NRDC: variants seen among roughly 807,000 people sequenced by gnomAD.
NRDC encodes nardilysin.
NRDC carries 54 observed loss-of-function variants against 147.1 expected under a neutral mutation model. The ratio of observed to expected loss-of-function variants is 0.37; its 90% confidence interval spans 0.29 to 0.46. The LOEUF (loss-of-function observed/expected upper bound fraction) is 0.46, where lower values mean the gene tolerates loss of function less well. Ranked by LOEUF, NRDC falls within the 20% of genes least tolerant of loss-of-function variation. NRDC has a pLI of 1.00. For synonymous variants in NRDC, 440 were observed against 482.1 expected, an observed-to-expected ratio of 0.91 and a Z score of 1.14; for missense variants, 1,082 against 1,370.6, an observed-to-expected ratio of 0.79 and a Z score of 3.33.
At position 51,825,932 on chromosome 1, in the gene NRDC, T is replaced by C. The variant is rs76114357; in HGVS notation, c.941-550A>G. ...GAGGTAGGGGCCAATGAGAAATGAT[T>C]AGGTAATGAGGGCAGAGCCCTCATG... is the stretch of plus-strand genomic sequence containing the variant. On this transcript the variant is annotated intron_variant, in intron 5 of 30. Coordinates refer to ENST00000352171, the MANE Select transcript of NRDC (RefSeq NM_001101662.2). 2.2e-3 allele frequency among the ~76,000 whole-genome samples: 336 copies of C among 152,322 alleles called. 11 individuals are homozygous for C. The East Asian group carries it at 0.06, about 27-fold the overall frequency.
intron 1 of NRDC, among the ~76,000 whole-genome samples, chr1:51,876,916 G>A (rs940347111): frequency 2.6e-5 from 4 of 152,218 alleles, no homozygotes; most frequent in Non-Finnish European, 5.9e-5. Context: ...CGGGCTGGGC[G>A]GGGTGGCTCA....
chr1:51,801,912 C>T (rs35421326), intron 20 of NRDC, among the ~76,000 whole-genome samples: 1 of 152,058 alleles, frequency 6.6e-6, no homozygotes, highest in Non-Finnish European at 1.5e-5. Context: ...CTCAGCCTCC[C>T]GAGTAGCTGA....
At chr1:51,841,884 G>A (rs1452396153) in intron 1 of NRDC, among the ~76,000 whole-genome samples, 6 of 152,152 alleles carry the variant, frequency 3.9e-5, no homozygotes, top group Non-Finnish European at 8.8e-5. Context: ...AGACAAGGAA[G>A]AGAACCTTTG....
chr1:51,878,286 G>A lies in NRDC; in HGVS notation c.330C>T (p.Pro110=), dbSNP rs140074749. Reference sequence around the variant, plus strand: ...GCCTCCTCCCTCACCGGTATTGCTTGGGGTCGCTGGGAGACTTGACGATCT... The same window carrying A: ...GCCTCCTCCCTCACCGGTATTGCTTAGGGTCGCTGGGAGACTTGACGATCT... ...DPEIVKSPSD[P]KQYRYIKLQN... The change falls in exon 1 of 31, where the codon CCC becomes CCT. Residue 110 remains proline (P), a synonymous_variant. Transcript: ENST00000352171. The A allele has an allele frequency of 4.3e-6, 7 of 1,612,598 alleles. No individual in the cohort carries two copies. In the Middle Eastern group the frequency reaches 4.9e-4, roughly 114 times the overall value.
intron 20 of NRDC, among the ~76,000 whole-genome samples, chr1:51,802,835 T>C (rs1442618556): frequency 6.6e-6 from 1 of 152,158 alleles, no homozygotes; most frequent in Non-Finnish European, 1.5e-5. Flanking sequence ...TATAACCCTA[T>C]TTCCCTAAAT....
chr1:51,830,698 T>G (rs1680669523), intron 4 of NRDC, among the ~76,000 whole-genome samples: 1 of 152,234 alleles, frequency 6.6e-6, no homozygotes, highest in South Asian at 2.1e-4. Flanking sequence ...CATCCTAAGC[T>G]TTGATATTTG....
intron 1 of NRDC, among the ~76,000 whole-genome samples, chr1:51,847,140 G>C (rs1233965936): frequency 6.6e-6 from 1 of 152,350 alleles, no homozygotes; most frequent in East Asian, 1.9e-4. Flanking sequence ...CCTTGAGCTA[G>C]ACACAGAGTG....
chr1:51,859,560 T>A (rs547181638), intron 1 of NRDC, among the ~76,000 whole-genome samples: 2 of 152,184 alleles, frequency 1.3e-5, no homozygotes, highest in African/African-American at 4.8e-5. Flanking sequence ...CCAGGCAATG[T>A]CTTCCCATTT....
chr1:51,821,564 G>C lies in NRDC; in HGVS notation c.1160-9C>G, dbSNP rs1406846011. 6.3e-7 allele frequency: 1 copy of C among 1,591,512 alleles called. No homozygotes were observed. On this transcript the variant is annotated splice_polypyrimidine_tract_variant and intron_variant, in intron 7 of 30. Transcript: ENST00000352171. ...CAAAGTATCCAGTGTTTCTTGAGAG[G>C]GGAGGGCAGGGAAGAGACAGGAAAA...
intron 1 of NRDC, chr1:51,860,267 G>A (rs1162174165): frequency 6.5e-6 from 1 of 153,546 alleles, no homozygotes; most frequent in Non-Finnish European, 1.5e-5. Flanking sequence ...GATTTAGATA[G>A]GGTTGATTTT....
intron 2 of NRDC, chr1:51,837,599 G>A (rs372307185): frequency 1.3e-6 from 2 of 1,544,704 alleles, no homozygotes; most frequent in South Asian, 1.2e-5. Context: ...TTTGACCACA[G>A]CAAAAACAGG....
chr1:51,798,184 A>G, intron 22 of NRDC, 65 bp downstream of exon 22: 1 of 1,525,638 alleles, frequency 6.6e-7, no homozygotes, highest in Non-Finnish European at 9.0e-7. Context: ...TTTAGGAAAG[A>G]ACTATGGCAA....
intron 1 of NRDC, among the ~76,000 whole-genome samples, chr1:51,854,644 C>A (rs1682145684): frequency 6.6e-6 from 1 of 152,180 alleles, no homozygotes; most frequent in Admixed American, 6.5e-5. Flanking sequence ...GCCAAGCTGG[C>A]CCAGCATGGT....
At chr1:51,791,238 C>T (rs1678636336) in intron 27 of NRDC, among the ~76,000 whole-genome samples, 1 of 152,180 alleles carries the variant, frequency 6.6e-6, no homozygotes, top group African/African-American at 2.4e-5. Flanking sequence ...CAGTCACAAC[C>T]ATGTATGACC....
At chr1:51,836,932 A>G (rs1399693338) in intron 2 of NRDC, among the ~76,000 whole-genome samples, 1 of 150,674 alleles carries the variant, frequency 6.6e-6, no homozygotes, top group East Asian at 1.9e-4. Flanking sequence ...ACTGCACTTA[A>G]AATGATTGGG....
In NRDC at chr1:51,805,489, GA is replaced by G. The variant is rs1240416724; in HGVS notation, c.2162+20del. The G allele has an allele frequency of 5.8e-6, 9 of 1,546,032 alleles. No individual in the cohort carries two copies. The highest frequency in any genetic ancestry group is 2.1e-5 in the Admixed American group (1 of 47,540). ...CAATAACTAAAAAATGTATTTTCCA[GA>G]AAAAAAGACAATTGCTTACTTTGCT... On this transcript the variant is annotated intron_variant, in intron 19 of 30. Transcript: ENST00000352171.
At chr1:51,801,345 A>G (rs1679186742) in intron 20 of NRDC, 1 of 152,104 alleles carries the variant, frequency 6.6e-6, no homozygotes, top group African/African-American at 2.4e-5. Context: ...GAGCCTCGCT[A>G]TATCGCACAG....
At chr1:51,814,511 A>G (rs2149203457) in intron 13 of NRDC, 40 bp downstream of exon 13, 1 of 1,592,218 alleles carries the variant, frequency 6.3e-7, no homozygotes, top group South Asian at 1.1e-5. Context: ...CAAATATACC[A>G]GGACTGGCTC....
chr1:51,794,591 G>T lies in NRDC; in HGVS notation c.2656C>A (p.Leu886Met). ...AACTGCACAGGCATCTCCTGCTCCA[G>T]AGGCTTGAAGTTTAGTTTGCTGCAA... is the stretch of plus-strand genomic sequence containing the variant. ...YVVDKLNFKP[L>M]EQEMPVQFQV... The change falls in exon 24 of 31, where the codon CTG (leucine) becomes ATG (methionine). Residue 886 changes from leucine to methionine, a missense_variant. Around this residue, in one of 3 missense-constraint regions of NRDC, gnomAD observed 635 missense variants for 923.8 expected, o/e 0.69. Coordinates refer to ENST00000352171, the MANE Select transcript of NRDC (RefSeq NM_001101662.2). 3.1e-6 allele frequency: 5 copies of T among 1,614,192 alleles called. No homozygotes were observed. Among genetic ancestry groups the T allele is most frequent in the Non-Finnish European group, 4.2e-6 (5 of 1,180,012 alleles).
Sources: gnomAD v4.1 joint callset for allele counts (sites outside exome capture counted in the v4.1 genomes callset) on GRCh38, gnomAD v4.1.1 for gene constraint, gnomAD v4.1.1 regional missense constraint, MANE v1.5 for transcripts, NCBI Gene and HGNC (gene_info 2026-07-23, HGNC 2026-07-21) for gene names.